The following BICRAL variants were observed in gnomAD, a reference collection of about 807,000 sequenced individuals.
BICRAL encodes BRD4-interacting chromatin-remodeling complex-associated protein-like.
In BICRAL, 8 loss-of-function variants were observed where a neutral mutation model predicts 91.8. The observed-to-expected ratio is 0.09, with a 90% confidence interval of 0.05 to 0.16. The LOEUF (loss-of-function observed/expected upper bound fraction) is 0.16, where lower values mean the gene tolerates loss of function less well. Ranked by LOEUF, BICRAL falls within the 10% of genes least tolerant of loss-of-function variation. The pLI is 1.00. For missense variants in BICRAL, 1,038 were observed against 1,310.9 expected (o/e 0.79, Z 3.21); for synonymous variants, 445 against 491.1 (o/e 0.91, Z 1.24).
At chr6:42,757,727 G>C (rs1310614324) in intron 1 of BICRAL, among the ~76,000 whole-genome samples, 1 of 152,198 alleles carries the variant, frequency 6.6e-6, no homozygotes, top group Non-Finnish European at 1.5e-5. Flanking sequence ...CCAGGAAATG[G>C]CTATTTACAT....
At position 42,866,924 on chromosome 6, in the gene BICRAL, A is replaced by G. The variant is rs1765722998; in HGVS notation, c.*1478A>G. The stretch of plus-strand genomic sequence containing the variant: ...ATTTTTATGCACTCTTCTCCCACAC[A>G]TACACACACGTGCATGTATCTGAGC... On this transcript the variant is annotated 3_prime_UTR_variant, in exon 13 of 13. Coordinates refer to ENST00000314073, the MANE Select transcript of BICRAL (RefSeq NM_001393499.1). 6.6e-6 allele frequency: 3 copies of G among 455,452 alleles called. No individual in the cohort carries two copies. Among genetic ancestry groups the G allele is most frequent in the Admixed American group, 2.4e-5 (1 of 42,486 alleles). 28.2% of individuals were successfully genotyped at this position (455,452 alleles called of 1,614,324 possible).
Position 42,826,639 on chromosome 6 carries a change from G to T in BICRAL, c.160-1854G>T, listed in dbSNP as rs1248536490. Among the ~76,000 whole-genome samples, 4 of 152,066 alleles carry T rather than the reference G, an allele frequency of 2.6e-5. No individual in the cohort carries two copies. In the East Asian group the frequency reaches 7.7e-4, roughly 29 times the overall value. On this transcript the variant is annotated intron_variant, in intron 5 of 12. Transcript: ENST00000314073. Reference sequence around the variant, plus strand: ...CGAGATTACTGTGTTTGAGCCTTAGGTTCCCTTACTCTTTTCAGTTGCTTT... The same window carrying T: ...CGAGATTACTGTGTTTGAGCCTTAGTTTCCCTTACTCTTTTCAGTTGCTTT...
intron 12 of BICRAL, 116 bp downstream of exon 12, chr6:42,862,728 C>A (rs959601527): frequency 5.8e-6 from 4 of 685,802 alleles, no homozygotes; most frequent in South Asian, 1.6e-5. Context: ...AACGTGAATT[C>A]TGGGGAGAGC....
chr6:42,760,285 G>A (rs58897230), intron 1 of BICRAL, among the ~76,000 whole-genome samples: 37,512 of 149,956 alleles, frequency 0.25, 5,014 homozygotes, highest in African/African-American at 0.32. Context: ...TTGGGAGGCC[G>A]AGGCACGCGG....
intron 6 of BICRAL, among the ~76,000 whole-genome samples, chr6:42,850,232 C>T (rs988324103): frequency 4.0e-4 from 61 of 151,476 alleles, no homozygotes; most frequent in African/African-American, 1.4e-3. Flanking sequence ...AATATAAAAC[C>T]GAAGAGGCTG....
rs371269302 is a variant in BICRAL, at chr6:42,836,025, TC to T, written c.1839+5857del. ...TAGTCTAGAGTGAAAAACAAGTCTT[TC>T]CCCAACCTCCAGTTTCCTTCCAGAA... is the stretch of plus-strand genomic sequence containing the variant. On this transcript the variant is annotated intron_variant, in intron 6 of 12. Coordinates refer to ENST00000314073, the MANE Select transcript of BICRAL (RefSeq NM_001393499.1). Among the ~76,000 whole-genome samples the T allele has an allele frequency of 3.8e-3, 586 of 152,264 alleles. 2 individuals carry two copies. The highest frequency in any genetic ancestry group is 0.014 in the African/African-American group (562 of 41,556).
chr6:42,829,472 G>A lies in BICRAL; in HGVS notation c.1139G>A (p.Ser380Asn). ...RKPVTSQAVS[S>N]TGGSIVIHSP... ...CCAGTCACCTCACAGGCAGTGAGCA[G>A]CACTGGGGGCAGTATTGTTATTCAT... Residue 380 changes from serine to asparagine, a missense_variant, in exon 6 of 13, where the codon AGC becomes AAC. By Grantham distance (46) the Ser-to-Asn change is conservative (BLOSUM62 1). Transcript: ENST00000314073. 1 of 1,614,206 alleles carries A rather than the reference G, an allele frequency of 6.2e-7. No homozygotes were observed. The highest frequency in any genetic ancestry group is 8.5e-7 in the Non-Finnish European group (1 of 1,180,024).
At chr6:42,811,986 A>G (rs1287657297) in intron 2 of BICRAL, among the ~76,000 whole-genome samples, 1 of 152,248 alleles carries the variant, frequency 6.6e-6, no homozygotes, top group Non-Finnish European at 1.5e-5. Flanking sequence ...GAAACTTTGT[A>G]AAGTAACTTA....
intron 1 of BICRAL, among the ~76,000 whole-genome samples, chr6:42,766,528 T>C (rs1762635391): frequency 6.6e-6 from 1 of 152,162 alleles, no homozygotes. Flanking sequence ...AATGTGCTTG[T>C]GAGTCATAAT....
chr6:42,802,916 C>T (rs886598236), intron 1 of BICRAL, among the ~76,000 whole-genome samples: 9 of 152,142 alleles, frequency 5.9e-5, no homozygotes, highest in African/African-American at 1.7e-4. Flanking sequence ...TATGGTTTTC[C>T]ATAGTTATCA....
At chr6:42,841,965 A>G (rs1195268301) in intron 6 of BICRAL, among the ~76,000 whole-genome samples, 1 of 152,220 alleles carries the variant, frequency 6.6e-6, no homozygotes, top group African/African-American at 2.4e-5. Flanking sequence ...CTAGAATATA[A>G]CAGAAAAACA....
At chr6:42,817,238 G>T (rs1054434770) in intron 2 of BICRAL, among the ~76,000 whole-genome samples, 9 of 151,114 alleles carry the variant, frequency 6.0e-5, no homozygotes, top group African/African-American at 1.9e-4. Flanking sequence ...ATAATATTCT[G>T]CACCTTTCTT....
At chr6:42,852,253 C>A in intron 7 of BICRAL, 56 bp downstream of exon 7, 1 of 992,134 alleles carries the variant, frequency 1.0e-6, no homozygotes, top group Non-Finnish European at 1.6e-6. Context: ...ATGCTCTTCT[C>A]ACTTTTCTCC....
chr6:42,806,936 T>G (rs1048106978), intron 1 of BICRAL, among the ~76,000 whole-genome samples: 2 of 152,114 alleles, frequency 1.3e-5, no homozygotes, highest in East Asian at 3.9e-4. Flanking sequence ...GTTCAAGCAA[T>G]TCTCCTGCCT....
At position 42,839,970 on chromosome 6, in the gene BICRAL, A is replaced by G. The variant is rs560932318; in HGVS notation, c.1839+9798A>G. On this transcript the variant is annotated intron_variant, in intron 6 of 12. Coordinates refer to ENST00000314073, the MANE Select transcript of BICRAL (RefSeq NM_001393499.1). ...GCAGAGAGTGATTTACAGGATTTAC[A>G]CTTTCTTGTAAGTGGATTAAAATTC... 1.0e-3 allele frequency among the ~76,000 whole-genome samples: 152 copies of G among 152,338 alleles called. 1 individual carries two copies. The highest frequency in any genetic ancestry group is 3.5e-3 in the African/African-American group (146 of 41,578).
chr6:42,848,214 T>C (rs954437550), intron 6 of BICRAL, among the ~76,000 whole-genome samples: 1 of 150,826 alleles, frequency 6.6e-6, no homozygotes, highest in African/African-American at 2.4e-5. Flanking sequence ...ATCACACCAC[T>C]GCACTCCAGC....
chr6:42,822,187 T>C (rs1418822795), intron 3 of BICRAL, 124 bp downstream of exon 3: 5 of 600,998 alleles, frequency 8.3e-6, no homozygotes, highest in Non-Finnish European at 1.5e-5. Context: ...TAATCATAGG[T>C]TTAGTAGAGA....
Position 42,867,128 on chromosome 6 carries a change from CA to C in BICRAL, c.*1683del, listed in dbSNP as rs1362994570. On this transcript the variant is annotated 3_prime_UTR_variant, in exon 13 of 13. Coordinates refer to ENST00000314073, the MANE Select transcript of BICRAL (RefSeq NM_001393499.1). ...CTGTCGCCAACATGGGGATGACCCC[CA>C]TTGTCATCATGTTGGGCATTTCTTT... is the stretch of plus-strand genomic sequence containing the variant. 8.0e-6 allele frequency: 2 copies of C among 251,222 alleles called. No individual in the cohort carries two copies. Among genetic ancestry groups the C allele is most frequent in the African/African-American group, 4.5e-5 (2 of 44,620 alleles). The allele number at this position is 251,222 out of a possible 1,614,324, so 15.6% of individuals were successfully genotyped here.
chr6:42,770,221 T>C (rs1762697300), intron 1 of BICRAL, among the ~76,000 whole-genome samples: 1 of 151,912 alleles, frequency 6.6e-6, no homozygotes, highest in Non-Finnish European at 1.5e-5. Flanking sequence ...TTCCCTCTCT[T>C]AGTTTTTTGT....
Sources: allele counts gnomAD v4.1 joint callset (sites outside exome capture counted in the v4.1 genomes callset), GRCh38; gene constraint gnomAD v4.1.1; transcripts MANE v1.5; gene names NCBI Gene and HGNC (gene_info 2026-07-23, HGNC 2026-07-21).